The following SH3RF2 variants were observed in gnomAD, a reference collection of about 807,000 sequenced individuals.
SH3RF2 encodes the protein E3 ubiquitin-protein ligase SH3RF2.
SH3RF2 carries 43 observed loss-of-function variants against 59.0 expected under a neutral mutation model. The observed-to-expected ratio is 0.73, with a 90% CI of 0.57 to 0.94. The LOEUF is 0.94. Among genes scored for constraint, SH3RF2 ranks in the 40% least tolerant of loss-of-function variants. The probability of loss-of-function intolerance (pLI) is 0.00; values close to 1 mark genes in which losing one functional copy is unlikely to be tolerated. For missense variants in SH3RF2, 930 were observed against 940.1 expected, an observed-to-expected ratio of 0.99 and a Z score of 0.14; for synonymous variants, 391 against 391.5, an observed-to-expected ratio of 1.00 and a Z score of 0.01.
intron 9 of SH3RF2, among the ~76,000 whole-genome samples, chr5:146,072,338 G>A (rs1018921822): frequency 3.9e-5 from 6 of 152,130 alleles, no homozygotes; most frequent in African/African-American, 1.2e-4. Context: ...GGATGACATG[G>A]GCTTGAAAGC....
intron 5 of SH3RF2, among the ~76,000 whole-genome samples, chr5:146,021,214 A>G (rs938021393): frequency 6.6e-6 from 1 of 152,014 alleles, no homozygotes; most frequent in Non-Finnish European, 1.5e-5. Flanking sequence ...TAGCACTAAT[A>G]TATATATTTT....
chr5:146,029,769 G>T (rs1363221885), intron 5 of SH3RF2, among the ~76,000 whole-genome samples: 1 of 152,018 alleles, frequency 6.6e-6, no homozygotes, highest in African/African-American at 2.4e-5. Flanking sequence ...CTTTATTTTT[G>T]ATAAATGACA....
intron 2 of SH3RF2, among the ~76,000 whole-genome samples, chr5:145,960,039 G>GTATGTATGTATGCATA (rs1433804848): frequency 9.8e-5 from 15 of 152,286 alleles, no homozygotes; most frequent in Non-Finnish European, 1.9e-4. Context: ...ATGTATGCAT[G>GTATGTATGTATGCATA]TATGTATGTA....
intron 2 of SH3RF2, among the ~76,000 whole-genome samples, chr5:145,959,582 G>A (rs981666062): frequency 6.6e-6 from 1 of 150,722 alleles, no homozygotes; most frequent in Admixed American, 6.6e-5. Context: ...AGCCTTCTTA[G>A]TTGCAAACAA....
chr5:145,950,695 G>A (rs182004569), intron 2 of SH3RF2, among the ~76,000 whole-genome samples: 1 of 152,272 alleles, frequency 6.6e-6, no homozygotes, highest in East Asian at 1.9e-4. Context: ...GCAAGGGAGG[G>A]ATATTTGGAA....
At chr5:145,956,272 A>T (rs1758401664) in intron 2 of SH3RF2, among the ~76,000 whole-genome samples, 2 of 152,006 alleles carry the variant, frequency 1.3e-5, no homozygotes, top group South Asian at 2.1e-4. Context: ...TTGCTTTTTT[A>T]TTTTTATTTA....
At chr5:146,016,984 AC>A (rs1281302189) in intron 5 of SH3RF2, among the ~76,000 whole-genome samples, 1 of 152,196 alleles carries the variant, frequency 6.6e-6, no homozygotes, top group African/African-American at 2.4e-5. Flanking sequence ...TGTGGTAGAG[AC>A]AAGTCTTGGA....
At chr5:146,026,869 C>A (rs908026639) in intron 5 of SH3RF2, among the ~76,000 whole-genome samples, 1 of 152,044 alleles carries the variant, frequency 6.6e-6, no homozygotes, top group Non-Finnish European at 1.5e-5. Context: ...AAGATGGCTG[C>A]GAGGATAAAA....
At chr5:146,005,435 T>C (rs1409271000) in intron 4 of SH3RF2, among the ~76,000 whole-genome samples, 1 of 152,120 alleles carries the variant, frequency 6.6e-6, no homozygotes, top group Non-Finnish European at 1.5e-5. Context: ...AGACCACAGT[T>C]GAGGAGAAGC....
intron 5 of SH3RF2, among the ~76,000 whole-genome samples, chr5:146,020,969 T>C (rs1561746568): frequency 6.6e-6 from 1 of 152,158 alleles, no homozygotes; most frequent in Non-Finnish European, 1.5e-5. Flanking sequence ...TCTATAAAGC[T>C]GACTGTCCTT....
At chr5:145,983,864 A>G (rs1759601389) in intron 2 of SH3RF2, among the ~76,000 whole-genome samples, 1 of 152,192 alleles carries the variant, frequency 6.6e-6, no homozygotes, top group Admixed American at 6.5e-5. Flanking sequence ...GCATGTTTTA[A>G]ATAATGGAGC....
rs570432472 is a variant in SH3RF2 at position 146,042,154 on chromosome 5, G to A, written c.1060-5618G>A. On this transcript the variant is annotated intron_variant, in intron 5 of 9. Transcript: ENST00000359120. ...TAGCTGAGAGCCACGGCATGGGATG[G>A]AGAAAAACAAACTTACATTTGGAAA... is the stretch of plus-strand genomic sequence containing the variant. Among the ~76,000 whole-genome samples the A allele has an allele frequency of 2.6e-5, 4 of 152,172 alleles. No homozygotes were observed. In the South Asian group the frequency reaches 8.3e-4, roughly 32 times the overall value.
rs1477554898 is a variant in SH3RF2, at chr5:145,955,519, A to G, written c.378+17213A>G. Among the ~76,000 whole-genome samples, 7 of 152,184 alleles carry G rather than the reference A, an allele frequency of 4.6e-5. No individual in the cohort carries two copies. In the East Asian group the frequency reaches 1.3e-3, roughly 29 times the overall value. ...AACCTCAGCATCCCACAATATACTC[A>G]GGTAACAAACCTGCACATGGACAGG... On this transcript the variant is annotated intron_variant, in intron 2 of 9. Coordinates refer to ENST00000359120, the MANE Select transcript of SH3RF2 (RefSeq NM_152550.4).
At chr5:145,997,558 C>T (rs962102836) in intron 2 of SH3RF2, 95 of 1,607,622 alleles carry the variant, frequency 5.9e-5, no homozygotes, top group African/African-American at 9.4e-5. Flanking sequence ...GGAGTTATTA[C>T]GGTTTCAGGA....
intron 2 of SH3RF2, among the ~76,000 whole-genome samples, chr5:145,994,940 A>C (rs992744588): frequency 3.3e-5 from 5 of 152,058 alleles, no homozygotes; most frequent in African/African-American, 1.2e-4. Flanking sequence ...AGGGGCTTAG[A>C]TCTTTTCTTC....
intron 5 of SH3RF2, among the ~76,000 whole-genome samples, chr5:146,031,467 G>A (rs1001723594): frequency 6.6e-6 from 1 of 152,228 alleles, no homozygotes; most frequent in African/African-American, 2.4e-5. Flanking sequence ...ATGAAAGAAA[G>A]AAGATGTGAA....
intron 2 of SH3RF2, among the ~76,000 whole-genome samples, chr5:145,975,556 T>C (rs1229501907): frequency 6.6e-6 from 1 of 152,192 alleles, no homozygotes; most frequent in African/African-American, 2.4e-5. Flanking sequence ...CTGCACTCTT[T>C]GACTTGATAA....
In SH3RF2 at chr5:146,004,593, AT is replaced by A. The variant is rs997747098; in HGVS notation, c.744+448del. On this transcript the variant is annotated intron_variant, in intron 4 of 9. Transcript: ENST00000359120. ...CTAAATATTCAACAATAAGGAGTTC[AT>A]TTTTTTTAAATTGTGGTGATGAAAA... 1.6e-4 allele frequency among the ~76,000 whole-genome samples: 25 copies of A among 152,048 alleles called. 3 individuals are homozygous for A. The highest frequency in any genetic ancestry group is 5.1e-4 in the African/African-American group (21 of 41,500).
intron 2 of SH3RF2, among the ~76,000 whole-genome samples, chr5:145,947,457 A>T (rs75224903): frequency 1.3e-5 from 2 of 152,204 alleles, no homozygotes; most frequent in African/African-American, 2.4e-5. Flanking sequence ...ATTTAATGAG[A>T]TGATGCCTAT....
Sources: gnomAD v4.1 joint callset for allele counts (sites outside exome capture counted in the v4.1 genomes callset) on GRCh38, gnomAD v4.1.1 for gene constraint, MANE v1.5 for transcripts, NCBI Gene and HGNC (gene_info 2026-07-23, HGNC 2026-07-21) for gene names.